Variants in LAMA3 observed in about 807,000 individuals in gnomAD.
The protein encoded by LAMA3 is laminin subunit alpha-3.
In LAMA3, 281 loss-of-function variants were observed where a neutral mutation model predicts 402.0. The observed-to-expected ratio is 0.70, with a 90% CI of 0.63 to 0.77. The LOEUF is 0.77. LAMA3 is among the 30% of genes least tolerant of loss of function. The probability of loss-of-function intolerance (pLI) is 0.00; values close to 1 mark genes in which losing one functional copy is unlikely to be tolerated. For missense variants in LAMA3, 3,840 were observed against 4,215.5 expected, an observed-to-expected ratio of 0.91 and a Z score of 2.47; for synonymous variants, 1,431 against 1,558.4, an observed-to-expected ratio of 0.92 and a Z score of 1.93.
intron 24 of LAMA3, 88 bp from the exon 25 acceptor site, chr18:23,836,893 C>A: frequency 1.1e-6 from 1 of 895,942 alleles, no homozygotes; most frequent in East Asian, 2.4e-5. Context: ...ACAGGTGAAA[C>A]CAAAGAGCCA....
rs1131691680 is a variant in LAMA3, at chr18:23,928,637, G to T, written c.8308G>T (p.Ala2770Ser). 3 of 1,613,948 alleles carry T rather than the reference G, an allele frequency of 1.9e-6. No individual in the cohort carries two copies. Among genetic ancestry groups the T allele is most frequent in the Non-Finnish European group, 2.5e-6 (3 of 1,179,914 alleles). ...GTTTGCATTTCAGCTTGTGCGATCT[G>T]CCTCATTCTCCAGAGGAGGACAATT... ...CSEDWKLVRSASFSRGGQLSF... is the reference protein window; with the variant it reads ...CSEDWKLVRSSSFSRGGQLSF... The change falls in exon 64 of 75, where the codon GCC becomes TCC. Residue 2770 changes from alanine (A) to serine (S), a missense_variant. Physicochemically the swap from Ala to Ser is moderately conservative, Grantham distance 99. Coordinates refer to ENST00000313654, the MANE Select transcript of LAMA3 (RefSeq NM_198129.4).
intron 48 of LAMA3, 85 bp from the exon 49 acceptor site, chr18:23,902,924 C>T (rs2081121306): frequency 6.3e-6 from 5 of 799,226 alleles, no homozygotes; most frequent in East Asian, 4.9e-5. Context: ...TTTGAAATTA[C>T]GTATATGCTA....
In LAMA3 at chr18:23,954,691, C is replaced by G. The variant is rs778557361; in HGVS notation, c.*43C>G. ...GCAAGGAAATTCACCTTCAAAAGCA[C>G]TGATTACCCAATGCACCTCCCTCCC... On this transcript the variant is annotated 3_prime_UTR_variant, in exon 75 of 75. Transcript: ENST00000313654. The G allele has an allele frequency of 6.2e-7, 1 of 1,603,004 alleles. No homozygotes were observed.
In LAMA3 at chr18:23,857,921, G is replaced by A. The variant is rs1347767583; in HGVS notation, c.4214G>A (p.Cys1405Tyr). Residue 1405 changes from cysteine (C) to tyrosine (Y), a missense_variant, in exon 33 of 75, where the codon TGC becomes TAC. Around this residue, in one of 3 missense-constraint regions of LAMA3, gnomAD observed 2,109 missense variants for 2,376.0 expected, o/e 0.89. Transcript: ENST00000313654. Reference sequence around the variant, plus strand: ...TACCGCTTTCCTGAGTGTGTTCCCTGCAATTGCAACAGAGATGGGACTGAG... The same window carrying A: ...TACCGCTTTCCTGAGTGTGTTCCCTACAATTGCAACAGAGATGGGACTGAG... ...GFYRFPECVP[C>Y]NCNRDGTEPG... The A allele has an allele frequency of 6.2e-7, 1 of 1,614,102 alleles. No homozygotes were observed. The highest frequency in any genetic ancestry group is 2.2e-5 in the East Asian group (1 of 44,890).
Position 23,871,642 on chromosome 18 carries a change from A to C in LAMA3, c.4979A>C (p.Tyr1660Ser), listed in dbSNP as rs376839324. Residue 1660 changes from tyrosine to serine, a missense_variant, in exon 38 of 75, where the codon TAC (tyrosine) becomes TCC (serine). Tyr to Ser is a moderately radical substitution (Grantham distance 144, BLOSUM62 -2). This residue lies in a region of LAMA3 where 2,109 missense variants were observed against 2,376.0 expected (regional missense o/e 0.89). Coordinates refer to ENST00000313654, the MANE Select transcript of LAMA3 (RefSeq NM_198129.4). ...AVEICACPPA[Y>S]AGDSCQGCSP... ...GAAATCTGTGCCTGCCCCCCTGCCT[A>C]CGCTGGTGACTCTTGTCAGGTAGGA... 5 of 1,608,996 alleles carry C rather than the reference A, an allele frequency of 3.1e-6. No homozygotes were observed. Among genetic ancestry groups the C allele is most frequent in the Non-Finnish European group, 3.4e-6 (4 of 1,177,472 alleles).
chr18:23,736,375 A>G (rs902366250), intron 2 of LAMA3, among the ~76,000 whole-genome samples: 1 of 150,770 alleles, frequency 6.6e-6, no homozygotes, highest in African/African-American at 2.5e-5. Flanking sequence ...TTTGATGACT[A>G]TAGGGTGGTA....
intron 11 of LAMA3, chr18:23,781,277 C>G (rs2062431623): frequency 2.2e-6 from 1 of 455,876 alleles, no homozygotes; most frequent in South Asian, 1.5e-5. Flanking sequence ...CCTTGTATGG[C>G]AGCTGTGATG....
At chr18:23,789,484 A>G (rs1417682002) in intron 12 of LAMA3, among the ~76,000 whole-genome samples, 1 of 152,240 alleles carries the variant, frequency 6.6e-6, no homozygotes, top group Non-Finnish European at 1.5e-5. Context: ...TTATTTAGCA[A>G]TAAAAAGGAA....
At chr18:23,747,320 C>A (rs141653678) in intron 2 of LAMA3, among the ~76,000 whole-genome samples, 2 of 152,066 alleles carry the variant, frequency 1.3e-5, no homozygotes, top group African/African-American at 4.8e-5. Flanking sequence ...AAAGAAGGAC[C>A]GAAGCCCCAC....
rs1323593620 is a variant in LAMA3, at chr18:23,915,323, G to C, written c.7679G>C (p.Gly2560Ala). The C allele has an allele frequency of 6.2e-7, 1 of 1,612,966 alleles. No individual in the cohort carries two copies. Among genetic ancestry groups the C allele is most frequent in the Non-Finnish European group, 8.5e-7 (1 of 1,179,070 alleles). ...CGACTAAGTTTCCCTCCATACAAAGGTTGTATTGAATTAGATGACCTCAAT... is the reference window on the plus strand; with the variant it reads ...CGACTAAGTTTCCCTCCATACAAAGCTTGTATTGAATTAGATGACCTCAAT... ...PSRLSFPPYK[G>A]CIELDDLNEN... The change falls in exon 59 of 75, where the codon GGT becomes GCT. Residue 2560 changes from glycine (G) to alanine (A), a missense_variant. Gly to Ala is a moderately conservative substitution (Grantham distance 60). Transcript: ENST00000313654.
chr18:23,821,728 G>A (rs2063288598), intron 19 of LAMA3, among the ~76,000 whole-genome samples: 1 of 152,182 alleles, frequency 6.6e-6, no homozygotes, highest in African/African-American at 2.4e-5. Flanking sequence ...GCATATTTTA[G>A]TTACACCCAG....
intron 69 of LAMA3, among the ~76,000 whole-genome samples, chr18:23,945,467 G>A (rs1446782966): frequency 1.3e-5 from 2 of 152,208 alleles, no homozygotes; most frequent in African/African-American, 4.8e-5. Context: ...TGGCCAGGAG[G>A]AGAGCAGTTC....
At chr18:23,707,655 TTTTATTTA>T (rs972269788) in intron 1 of LAMA3, among the ~76,000 whole-genome samples, 1 of 152,148 alleles carries the variant, frequency 6.6e-6, no homozygotes, top group African/African-American at 2.4e-5. Context: ...TTTATACATA[TTTTATTTA>T]TTTATTTATT....
chr18:23,845,601 A>G (rs1052844370), intron 30 of LAMA3, among the ~76,000 whole-genome samples: 1 of 152,196 alleles, frequency 6.6e-6, no homozygotes, highest in Non-Finnish European at 1.5e-5. Context: ...GGCCCTGAGT[A>G]TCAGCTCCTG....
chr18:23,757,366 C>A (rs369173013), intron 6 of LAMA3, among the ~76,000 whole-genome samples: 1 of 152,022 alleles, frequency 6.6e-6, no homozygotes, highest in Non-Finnish European at 1.5e-5. Context: ...AGGCCTCCAG[C>A]CTGCTTGGCG....
intron 2 of LAMA3, among the ~76,000 whole-genome samples, chr18:23,721,940 C>T (rs563207145): frequency 6.6e-6 from 1 of 152,212 alleles, no homozygotes; most frequent in East Asian, 1.9e-4. Context: ...TTACTACCAG[C>T]GCAAAACAAA....
intron 23 of LAMA3, among the ~76,000 whole-genome samples, chr18:23,830,071 C>G (rs1295626104): frequency 6.6e-6 from 1 of 151,772 alleles, no homozygotes; most frequent in East Asian, 1.9e-4. Flanking sequence ...GCTTCCAGAC[C>G]TAGAGGACAA....
At chr18:23,781,152 C>T in intron 11 of LAMA3, 1 of 324,864 alleles carries the variant, frequency 3.1e-6, no homozygotes, top group Non-Finnish European at 6.3e-6. Context: ...AGGTAAAGTC[C>T]AAGTTTTTCA....
intron 12 of LAMA3, among the ~76,000 whole-genome samples, chr18:23,799,779 T>C (rs1453864519): frequency 6.6e-6 from 1 of 152,188 alleles, no homozygotes; most frequent in African/African-American, 2.4e-5. Context: ...AATTGGCTCA[T>C]GCGATTGCGA....
Sources: allele counts gnomAD v4.1 joint callset (sites outside exome capture counted in the v4.1 genomes callset), GRCh38; gene constraint gnomAD v4.1.1; regional missense constraint gnomAD v4.1.1; transcripts MANE v1.5; gene names NCBI Gene and HGNC (gene_info 2026-07-23, HGNC 2026-07-21).